Variants in ZNF454 observed in about 807,000 individuals in gnomAD.
ZNF454 encodes zinc finger protein 454.
Under a neutral mutation model 48.2 loss-of-function variants are expected in ZNF454, and 30 were observed. That is an observed-to-expected ratio of 0.62 (90% confidence interval 0.47 to 0.84). The LOEUF is 0.84. Ranked by LOEUF, ZNF454 falls within the 40% of genes least tolerant of loss-of-function variation. The probability of loss-of-function intolerance (pLI) is 0.00; values close to 1 mark genes in which losing one functional copy is unlikely to be tolerated. For synonymous variants in ZNF454, 204 were observed against 211.4 expected, an observed-to-expected ratio of 0.97 and a Z score of 0.30; for missense variants, 510 against 623.1, an observed-to-expected ratio of 0.82 and a Z score of 1.93.
chr5:178,950,696 TTTA>T (rs1313886637), intron 4 of ZNF454, among the ~76,000 whole-genome samples: 2 of 152,174 alleles, frequency 1.3e-5, no homozygotes, highest in Non-Finnish European at 2.9e-5. Flanking sequence ...GATTGTACAT[TTTA>T]TTCTTTAGCT....
chr5:178,956,519 G>GAAAAAA lies in ZNF454; in HGVS notation c.251-8122_251-8117dup, dbSNP rs397955241. ...CAACTTTGTTTTGCTCTCCTGAAAA[G>GAAAAAA]AAAAAAAAAAAAAAAAAAAGCCTCA... On this transcript the variant is annotated intron_variant, in intron 4 of 4. Transcript: ENST00000519564. Among the ~76,000 whole-genome samples, 16 of 112,296 alleles carry GAAAAAA rather than the reference G, an allele frequency of 1.4e-4. 3 individuals are homozygous for GAAAAAA. The highest frequency in any genetic ancestry group is 2.8e-4 in the East Asian group (1 of 3,598). 73.7% of individuals were successfully genotyped at this position (112,296 alleles called of 152,430 possible).
At chr5:178,988,647 G>C in the ZNF454 span, among the ~76,000 whole-genome samples, 1 of 152,212 alleles carries the variant, frequency 6.6e-6, no homozygotes, top group Non-Finnish European at 1.5e-5. The surrounding 1 kb of genome is among the most constrained non-coding windows in gnomAD (Gnocchi z 6.0). Context: ...GCAGTGGAGG[G>C]GAGTGTGGTG....
chr5:178,985,417 A>C, the ZNF454 span: 3 of 362,544 alleles, frequency 8.3e-6, no homozygotes, highest in Admixed American at 3.9e-5. Flanking sequence ...AAAAAAAAAA[A>C]AACTCACTGG....
At chr5:178,986,779 G>A in the ZNF454 span, 57 of 1,610,840 alleles carry the variant, frequency 3.5e-5, no homozygotes, top group Admixed American at 7.0e-4. Flanking sequence ...CACAGGCTGG[G>A]GCGTCTGCCT....
chr5:178,970,285 G>A (rs80160321), downstream of ZNF454, among the ~76,000 whole-genome samples: 1 of 152,174 alleles, frequency 6.6e-6, no homozygotes, highest in East Asian at 1.9e-4. Context: ...ACATGGAGAC[G>A]TCAATCTCTC....
the ZNF454 span, chr5:178,987,126 G>A: frequency 1.1e-5 from 9 of 828,704 alleles, no homozygotes; most frequent in South Asian, 1.3e-4. Flanking sequence ...AAGCCGCAGG[G>A]AGATCCCCCT....
chr5:178,942,162 G>A (rs1759118931), intron 1 of ZNF454, among the ~76,000 whole-genome samples: 1 of 152,178 alleles, frequency 6.6e-6, no homozygotes, highest in Non-Finnish European at 1.5e-5. Context: ...CCAGTACTTT[G>A]GGAGGCCGAG....
At chr5:178,985,156 C>T in the ZNF454 span, 1 of 412,308 alleles carries the variant, frequency 2.4e-6, no homozygotes, top group South Asian at 1.8e-5. Flanking sequence ...GGGAGCAGGG[C>T]AGCAGAGACT....
At chr5:178,967,545 C>T (rs974200606), downstream of ZNF454, among the ~76,000 whole-genome samples, 27 of 152,174 alleles carry the variant, frequency 1.8e-4, no homozygotes, top group Admixed American at 1.1e-3. Context: ...TCTCCTCCAT[C>T]TGGGCCTTCC....
At chr5:178,986,675 G>GCT in the ZNF454 span, 5 of 1,603,200 alleles carry the variant, frequency 3.1e-6, no homozygotes, top group African/African-American at 1.3e-5. Flanking sequence ...ATCTTCTTCC[G>GCT]CTCCCCCGGC....
intron 4 of ZNF454, among the ~76,000 whole-genome samples, chr5:178,948,665 A>G (rs2113202980): frequency 6.6e-6 from 1 of 152,260 alleles, no homozygotes; most frequent in East Asian, 1.9e-4. Flanking sequence ...TGCCGCACTG[A>G]GGCTGGTTTG....
At chr5:178,982,551 T>C in the ZNF454 span, among the ~76,000 whole-genome samples, 1 of 108,034 alleles carries the variant, frequency 9.3e-6, no homozygotes, top group African/African-American at 3.7e-5. Context: ...CACTCCAGCC[T>C]GGGCAACAGA....
intron 4 of ZNF454, among the ~76,000 whole-genome samples, chr5:178,950,980 C>T (rs1481811389): frequency 6.6e-6 from 1 of 151,922 alleles, no homozygotes; most frequent in African/African-American, 2.4e-5. Flanking sequence ...CTGCCTCAGC[C>T]TCCAGAAGAG....
At chr5:178,985,700 C>CAA in the ZNF454 span, 7 of 248,052 alleles carry the variant, frequency 2.8e-5, no homozygotes, top group South Asian at 8.9e-5. Flanking sequence ...GAGACTCTGT[C>CAA]TAAAAAAAAA....
rs1399312835 is a variant in ZNF454 at position 178,942,763 on chromosome 5, C to T, written c.-29C>T. ...CCTGCCTCCATAGCACTTTGCCTGT[C>T]CCTAAGAGGGCTCATCGGAGAAGAA... On this transcript the variant is annotated 5_prime_UTR_variant, in exon 2 of 5. Coordinates refer to ENST00000519564, the MANE Select transcript of ZNF454 (RefSeq NM_001178089.3). 6.2e-7 allele frequency: 1 copy of T among 1,613,974 alleles called. No individual in the cohort carries two copies. Among genetic ancestry groups the T allele is most frequent in the South Asian group, 1.1e-5 (1 of 91,044 alleles).
Position 178,963,819 on chromosome 5 carries a change from C to T in ZNF454, c.251-836C>T, listed in dbSNP as rs562761572. On this transcript the variant is annotated intron_variant, in intron 4 of 4. Transcript: ENST00000519564. ...TGAGCATTTCACACAGCCTGTACAGCGGCCTAGCTTTTTATTATTCATCTG... is the reference window on the plus strand; with the variant it reads ...TGAGCATTTCACACAGCCTGTACAGTGGCCTAGCTTTTTATTATTCATCTG... Among the ~76,000 whole-genome samples the T allele has an allele frequency of 8.3e-4, 126 of 151,776 alleles. 2 individuals are homozygous for T. Among genetic ancestry groups the T allele is most frequent in the Middle Eastern group, 6.8e-3 (2 of 292 alleles).
chr5:178,976,099 C>T, the ZNF454 span: 11 of 455,556 alleles, frequency 2.4e-5, no homozygotes, highest in South Asian at 1.4e-4. Flanking sequence ...GGGCCTTGCA[C>T]TTGCCACTCC....
In ZNF454 at chr5:178,965,074, G is replaced by A; in HGVS notation, c.670G>A (p.Ala224Thr). 6.2e-7 allele frequency: 1 copy of A among 1,614,186 alleles called. No individual in the cohort carries two copies. The highest frequency in any genetic ancestry group is 8.5e-7 in the Non-Finnish European group (1 of 1,180,034). The change falls in exon 5 of 5, where the codon GCC (alanine) becomes ACC (threonine). Residue 224 changes from alanine to threonine, a missense_variant. Transcript: ENST00000519564. The surrounding 1 kb of genome is among the most constrained non-coding windows in gnomAD (Gnocchi z 5.2). ...ATATGAATGTAGAGAATGTGGGAAA[G>A]CCTTTCACCAGAGTACGCACCTTAT... ...KRYECRECGK[A>T]FHQSTHLIHH...
chr5:178,973,658 A>G, the ZNF454 span, among the ~76,000 whole-genome samples: 1 of 152,160 alleles, frequency 6.6e-6, no homozygotes, highest in Non-Finnish European at 1.5e-5. Flanking sequence ...CCTGGCTAAC[A>G]CGGTGAAACC....
Sources: allele counts gnomAD v4.1 joint callset (sites outside exome capture counted in the v4.1 genomes callset), GRCh38; gene constraint gnomAD v4.1.1; non-coding constraint Gnocchi (gnomAD v3.1); transcripts MANE v1.5; gene names NCBI Gene and HGNC (gene_info 2026-07-23, HGNC 2026-07-21).